The following CEP350 variants were observed in gnomAD, a reference collection of about 807,000 sequenced individuals.
CEP350 encodes centrosomal protein 350.
A neutral mutation model predicts 331.8 loss-of-function variants in CEP350; 126 were observed. The ratio of observed to expected loss-of-function variants is 0.38; its 90% CI spans 0.33 to 0.44. The LOEUF is 0.44. Among genes scored for constraint, CEP350 ranks in the 20% least tolerant of loss-of-function variants. The probability of loss-of-function intolerance (pLI) is 1.00; values close to 1 mark genes in which losing one functional copy is unlikely to be tolerated. For missense variants in CEP350, 3,406 were observed against 3,634.6 expected (o/e 0.94, Z 1.62); for synonymous variants, 1,200 against 1,259.5 (o/e 0.95, Z 1.00).
chr1:180,058,752 A>T (rs948902315), intron 25 of CEP350, among the ~76,000 whole-genome samples: 2 of 152,160 alleles, frequency 1.3e-5, no homozygotes, highest in African/African-American at 4.8e-5. Flanking sequence ...ATACTCTTTG[A>T]TCCAATTGGT....
At chr1:180,005,976 T>A (rs1017793676) in intron 7 of CEP350, among the ~76,000 whole-genome samples, 5 of 152,294 alleles carry the variant, frequency 3.3e-5, no homozygotes, top group Non-Finnish European at 7.4e-5. Context: ...TTTTAAAAAA[T>A]TAGTAATAAT....
At chr1:179,973,012 C>T (rs781226879) in intron 1 of CEP350, among the ~76,000 whole-genome samples, 11 of 152,012 alleles carry the variant, frequency 7.2e-5, no homozygotes, top group South Asian at 2.1e-4. Context: ...GGACTACAGG[C>T]GCCCACCACC....
rs1244609701 is a variant in CEP350 at position 180,036,832 on chromosome 1, C to CA, written c.3947-91dup. The CA allele has an allele frequency of 9.5e-6, 13 of 1,369,066 alleles. No individual in the cohort carries two copies. In the East Asian group the frequency reaches 3.5e-4, roughly 36 times the overall value. The allele number at this position is 1,369,066 out of a possible 1,614,324, so 84.8% of individuals were successfully genotyped here. On this transcript the variant is annotated intron_variant, in intron 16 of 37. Transcript: ENST00000367607. ...TCCCAGTTTTTTCTACAAAGGAAAG[C>CA]AAAGTTGATTTTGGCTCTTAAAATG...
intron 1 of CEP350, among the ~76,000 whole-genome samples, chr1:179,970,415 C>G (rs1159936423): frequency 6.6e-6 from 1 of 152,176 alleles, no homozygotes; most frequent in South Asian, 2.1e-4. Context: ...TGTAATAGAT[C>G]TGAGTTATAA....
chr1:180,044,362 T>G (rs1393902833), intron 21 of CEP350, among the ~76,000 whole-genome samples, 189 bp downstream of exon 21: 2 of 152,210 alleles, frequency 1.3e-5, no homozygotes, highest in Non-Finnish European at 2.9e-5. Flanking sequence ...CTACTGTTCC[T>G]TGAGAACCTA....
At chr1:179,974,031 CTTTA>C (rs1651653517) in intron 1 of CEP350, among the ~76,000 whole-genome samples, 1 of 151,218 alleles carries the variant, frequency 6.6e-6, no homozygotes, top group Non-Finnish European at 1.5e-5. Flanking sequence ...TTTGATTCTC[CTTTA>C]TTTTTTTCTG....
intron 20 of CEP350, 66 bp from the exon 21 acceptor site, chr1:180,043,985 C>T: frequency 1.5e-6 from 2 of 1,306,656 alleles, no homozygotes; most frequent in Non-Finnish European, 2.0e-6. Context: ...TACTATTAAG[C>T]AATACTTAAA....
intron 37 of CEP350, among the ~76,000 whole-genome samples, chr1:180,101,569 C>G (rs150527693): frequency 6.5e-4 from 99 of 152,286 alleles, no homozygotes; most frequent in African/African-American, 1.8e-3. Flanking sequence ...ACACACCAAG[C>G]AGTGGACACC....
chr1:180,020,888 C>T lies in CEP350; in HGVS notation c.3114C>T (p.Phe1038=), dbSNP rs756361107. The change falls in exon 12 of 38, where the codon TTC becomes TTT. Residue 1038 remains phenylalanine, a synonymous_variant. Transcript: ENST00000367607. ...IKEFQKEAEK[F]LPLFGHIGGT... is the part of the protein sequence containing the mutation. ...AGTTTCAGAAAGAAGCTGAAAAATT[C>T]TTGCCACTTTTTGGGCACATAGGTG... The T allele has an allele frequency of 2.5e-6, 4 of 1,613,272 alleles. No homozygotes were observed. Among genetic ancestry groups the T allele is most frequent in the Non-Finnish European group, 3.4e-6 (4 of 1,179,836 alleles).
intron 18 of CEP350, 50 bp from the exon 19 acceptor site, chr1:180,041,611 AG>A (rs1471142448): frequency 2.0e-6 from 3 of 1,496,926 alleles, no homozygotes; most frequent in Non-Finnish European, 2.7e-6. Flanking sequence ...TTAATTCAGG[AG>A]GAGGGGAGAT....
chr1:179,987,275 A>G lies in CEP350; in HGVS notation c.109A>G (p.Thr37Ala). Residue 37 changes from threonine (T) to alanine (A), a missense_variant, in exon 3 of 38, where the codon ACC becomes GCC. Thr to Ala is a moderately conservative substitution (Grantham distance 58, BLOSUM62 0). Coordinates refer to ENST00000367607, the MANE Select transcript of CEP350 (RefSeq NM_014810.5). ...CACATCGTGGGATGCACTTTCTCAA[A>G]CCAAGGCTGCTGTAAGTAGTTTTAG... ...ITTSWDALSQ[T>A]KAALRHIENK... The G allele has an allele frequency of 6.4e-7, 1 of 1,561,672 alleles. No homozygotes were observed. Among genetic ancestry groups the G allele is most frequent in the Non-Finnish European group, 8.8e-7 (1 of 1,138,280 alleles).
chr1:180,108,728 A>G (rs1210519984), intron 37 of CEP350, among the ~76,000 whole-genome samples: 1 of 152,212 alleles, frequency 6.6e-6, no homozygotes, highest in African/African-American at 2.4e-5. Flanking sequence ...GTAGATACCC[A>G]TGATTCTGTG....
intron 11 of CEP350, 63 bp from the exon 12 acceptor site, chr1:180,019,886 A>T (rs912164973): frequency 1.6e-5 from 21 of 1,337,236 alleles, no homozygotes; most frequent in Middle Eastern, 3.9e-4. Flanking sequence ...ATAATCAGAT[A>T]AAAAAAAAAC....
Position 180,053,009 on chromosome 1 carries a change from A to T in CEP350, c.4832A>T (p.Asp1611Val). 6.8e-7 allele frequency: 1 copy of T among 1,462,954 alleles called. No individual in the cohort carries two copies. The highest frequency in any genetic ancestry group is 1.2e-5 in the South Asian group (1 of 84,100). 90.6% of individuals were successfully genotyped at this position (1,462,954 alleles called of 1,614,324 possible). ...GCAACAGAATATTCTCTGAAATTTG[A>T]TGAATCCATGACAGAAGATGAAATA... ...SIATEYSLKF[D>V]ESMTEDEIEE... Residue 1611 changes from aspartate (D) to valine (V), a missense_variant, in exon 23 of 38, where the codon GAT becomes GTT. This residue lies in a region of CEP350 where 1,857 missense variants were observed against 1,909.2 expected (regional missense o/e 0.97). Coordinates refer to ENST00000367607, the MANE Select transcript of CEP350 (RefSeq NM_014810.5).
At chr1:180,057,171 T>C (rs1026688748) in intron 25 of CEP350, among the ~76,000 whole-genome samples, 3 of 151,524 alleles carry the variant, frequency 2.0e-5, no homozygotes, top group African/African-American at 7.3e-5. Context: ...CGATCTTGGC[T>C]CACTGCAACC....
rs2149135780 is a variant in CEP350, at chr1:180,094,265, G to A, written c.8160G>A (p.Leu2720=). The stretch of plus-strand genomic sequence containing the variant: ...CAGAAAAGCTTTGTACACCACTTCT[G>A]GATCTTTTAACAAGAGAAAAAAACC... The part of the protein sequence containing the change: ...EASEKLCTPL[L]DLLTREKNQL... The change falls in exon 34 of 38, where the codon CTG becomes CTA. Residue 2720 remains leucine (L), a synonymous_variant. Transcript: ENST00000367607. 6.2e-7 allele frequency: 1 copy of A among 1,613,442 alleles called. No individual in the cohort carries two copies. The highest frequency in any genetic ancestry group is 2.2e-5 in the East Asian group (1 of 44,866).
chr1:180,110,406 A>G (rs1192614223), intron 37 of CEP350, among the ~76,000 whole-genome samples: 2 of 152,216 alleles, frequency 1.3e-5, no homozygotes, highest in African/African-American at 2.4e-5. Context: ...CACAGCTTGC[A>G]GTCAGCCACA....
At chr1:179,991,275 G>A (rs182410802) in intron 4 of CEP350, among the ~76,000 whole-genome samples, 1 of 139,404 alleles carries the variant, frequency 7.2e-6, no homozygotes, top group African/African-American at 2.6e-5. Flanking sequence ...TTTTTCTTGG[G>A]TTACCTTTTG....
Position 180,003,174 on chromosome 1 carries a change from G to T in CEP350, c.1019G>T (p.Gly340Val), listed in dbSNP as rs1653984778. The change falls in exon 7 of 38, where the codon GGT becomes GTT. Residue 340 changes from glycine to valine, a missense_variant and splice_region_variant. This residue lies in a region of CEP350 where 1,857 missense variants were observed against 1,909.2 expected (regional missense o/e 0.97). Coordinates refer to ENST00000367607, the MANE Select transcript of CEP350 (RefSeq NM_014810.5). ...ATTCTGTGTTACTGGTATGTATTAG[G>T]TTTCAACCCTTCAGAGACCAAGATT... Reference protein sequence around the residue: ...ATAPPAPAYKGFNPSETKIRT... With the variant: ...ATAPPAPAYKVFNPSETKIRT... 1 of 1,605,368 alleles carries T rather than the reference G, an allele frequency of 6.2e-7. No individual in the cohort carries two copies. The highest frequency in any genetic ancestry group is 1.7e-5 in the Admixed American group (1 of 59,202).
Sources: gnomAD v4.1 joint callset for allele counts (sites outside exome capture counted in the v4.1 genomes callset) on GRCh38, gnomAD v4.1.1 for gene constraint, gnomAD v4.1.1 regional missense constraint, MANE v1.5 for transcripts, NCBI Gene and HGNC (gene_info 2026-07-23, HGNC 2026-07-21) for gene names.